ALKBH2: variants seen among roughly 807,000 people sequenced by gnomAD.
ALKBH2 encodes DNA oxidative demethylase ALKBH2.
In ALKBH2, 19 loss-of-function variants were observed where a neutral mutation model predicts 19.7. The ratio of observed to expected loss-of-function variants is 0.97; its 90% confidence interval spans 0.67 to 1.42. The LOEUF (loss-of-function observed/expected upper bound fraction) is 1.42. Among genes scored for constraint, ALKBH2 ranks in the 40% most tolerant of loss-of-function variants. ALKBH2 has a pLI of 0.00. For missense variants in ALKBH2, 310 were observed against 328.5 expected (o/e 0.94, Z 0.43); for synonymous variants, 135 against 131.2 (o/e 1.03, Z -0.20).
Position 109,088,307 on chromosome 12 carries a change from G to C in ALKBH2, c.685C>G (p.Pro229Ala), listed in dbSNP as rs144639687. 44 of 1,614,138 alleles carry C rather than the reference G, an allele frequency of 2.7e-5. No individual in the cohort carries two copies. The African/African-American group carries it at 5.6e-4, about 21-fold the overall frequency. Residue 229 changes from proline to alanine, a missense_variant, in exon 4 of 4, where the codon CCG (proline) becomes GCG (alanine). Coordinates refer to ENST00000429722, the MANE Select transcript of ALKBH2 (RefSeq NM_001145374.2). The surrounding 1 kb of genome is among the most constrained non-coding windows in gnomAD (Gnocchi z 4.2). ...CTGTGGTACCAGTGCGTGTTGGTCG[G>C]GTGGTTCATCATTAGTAAGCTCCCG... ...AHGSLLMMNH[P>A]TNTHWYHSLP...
chr12:109,093,408 G>C lies in ALKBH2; in HGVS notation c.-313C>G, dbSNP rs1394699339. Reference sequence around the variant, plus strand: ...GGGTGGGGGTGGCAAGAGTGCTCTAGCATCGCAGCTCCGGCGCAGATCGGA... The same window carrying C: ...GGGTGGGGGTGGCAAGAGTGCTCTACCATCGCAGCTCCGGCGCAGATCGGA... On this transcript the variant is annotated 5_prime_UTR_variant, in exon 1 of 4. Transcript: ENST00000429722. 1 of 152,314 alleles carries C rather than the reference G, an allele frequency of 6.6e-6. No individual in the cohort carries two copies. The highest frequency in any genetic ancestry group is 1.9e-4 in the East Asian group (1 of 5,198). 9.4% of individuals were successfully genotyped at this position (152,314 alleles called of 1,614,324 possible).
chr12:109,089,784 T>G, intron 3 of ALKBH2: 1 of 558,650 alleles, frequency 1.8e-6, no homozygotes, highest in Non-Finnish European at 3.2e-6. Flanking sequence ...AAGAAGAAAT[T>G]ATCTCATTCA....
chr12:109,088,638 T>C lies in ALKBH2; in HGVS notation c.480-126A>G. 1 of 883,268 alleles carries C rather than the reference T, an allele frequency of 1.1e-6. No individual in the cohort carries two copies. The highest frequency in any genetic ancestry group is 1.7e-6 in the Non-Finnish European group (1 of 591,926). 54.7% of individuals were successfully genotyped at this position (883,268 alleles called of 1,614,324 possible). On this transcript the variant is annotated intron_variant, in intron 3 of 3. Transcript: ENST00000429722. This position sits in a 1 kb window ranked among gnomAD's most constrained non-coding sequence, Gnocchi z 4.2. ...GCATGGCTGTACCTGCCGTTGTTTC[T>C]GCGAGGGCTTGAGGTCCACAGTGGG...
Position 109,088,938 on chromosome 12 carries a change from G to T in ALKBH2, c.480-426C>A, listed in dbSNP as rs552976007. ...TGTTACCCAGGCTGGTCTCAAACTC[G>T]GGCTCAAGCAATTCACTCTCCTTGG... On this transcript the variant is annotated intron_variant, in intron 3 of 3. Transcript: ENST00000429722. This position sits in a 1 kb window ranked among gnomAD's most constrained non-coding sequence, Gnocchi z 4.2. 6.6e-6 allele frequency among the ~76,000 whole-genome samples: 1 copy of T among 152,186 alleles called. No individual in the cohort carries two copies. The highest frequency in any genetic ancestry group is 1.9e-4 in the East Asian group (1 of 5,166).
intron 2 of ALKBH2, among the ~76,000 whole-genome samples, chr12:109,091,683 A>G (rs930249489): frequency 1.3e-5 from 2 of 149,918 alleles, no homozygotes; most frequent in Admixed American, 1.3e-4. Flanking sequence ...GACTACAGGC[A>G]TGCACCACTA....
chr12:109,090,266 GC>G (rs1001111881), intron 2 of ALKBH2, 59 bp from the exon 3 acceptor site: 197 of 1,514,612 alleles, frequency 1.3e-4, no homozygotes, highest in African/African-American at 9.5e-4. Flanking sequence ...AAATCCAGAT[GC>G]CCCCCCCAAC....
chr12:109,088,765 A>C lies in ALKBH2; in HGVS notation c.480-253T>G, dbSNP rs1259123490. The stretch of plus-strand genomic sequence containing the variant: ...GGTCTCGCTCTGTCACCCAGGCTGA[A>C]GTGCAGTGGCACAATCATAGCTCAC... On this transcript the variant is annotated intron_variant, in intron 3 of 3. Coordinates refer to ENST00000429722, the MANE Select transcript of ALKBH2 (RefSeq NM_001145374.2). This position sits in a 1 kb window ranked among gnomAD's most constrained non-coding sequence, Gnocchi z 4.2. 6.6e-6 allele frequency among the ~76,000 whole-genome samples: 1 copy of C among 152,200 alleles called. No individual in the cohort carries two copies. Among genetic ancestry groups the C allele is most frequent in the Non-Finnish European group, 1.5e-5 (1 of 68,044 alleles).
chr12:109,089,178 T>C (rs190180392), intron 3 of ALKBH2, among the ~76,000 whole-genome samples: 284 of 152,334 alleles, frequency 1.9e-3, no homozygotes, highest in Admixed American at 3.5e-3. Flanking sequence ...CATCCCCTTC[T>C]TTCCCTCATT....
At chr12:109,091,594 G>C (rs1259730320) in intron 2 of ALKBH2, among the ~76,000 whole-genome samples, 1 of 152,140 alleles carries the variant, frequency 6.6e-6, no homozygotes, top group African/African-American at 2.4e-5. Flanking sequence ...CTGGAGTGCA[G>C]TGGTGCGATC....
intron 2 of ALKBH2, among the ~76,000 whole-genome samples, chr12:109,090,985 G>A (rs965032445): frequency 1.3e-5 from 2 of 152,202 alleles, no homozygotes; most frequent in African/African-American, 2.4e-5. Context: ...ATTGGAACAC[G>A]ATAAAGTTAG....
rs2042015014 is a variant in ALKBH2 at position 109,088,997 on chromosome 12, A to G, written c.480-485T>C. On this transcript the variant is annotated intron_variant, in intron 3 of 3. Coordinates refer to ENST00000429722, the MANE Select transcript of ALKBH2 (RefSeq NM_001145374.2). This position sits in a 1 kb window ranked among gnomAD's most constrained non-coding sequence, Gnocchi z 4.2. ...AGTGTTGGGATTACAGGCATGAGTC[A>G]CCACGTCCGGCCAGTTCATGTGCTT... Among the ~76,000 whole-genome samples, 1 of 152,186 alleles carries G rather than the reference A, an allele frequency of 6.6e-6. No homozygotes were observed. The highest frequency in any genetic ancestry group is 1.5e-5 in the Non-Finnish European group (1 of 68,036).
chr12:109,092,473 G>GCACGCA, intron 2 of ALKBH2, 34 bp downstream of exon 2: 2 of 1,362,952 alleles, frequency 1.5e-6, no homozygotes, highest in South Asian at 1.5e-5. Flanking sequence ...AGCCCTCAAT[G>GCACGCA]CACACACACA....
At position 109,093,386 on chromosome 12, in the gene ALKBH2, T is replaced by G. The variant is rs1593315255; in HGVS notation, c.-291A>C. The G allele has an allele frequency of 6.6e-6, 1 of 152,062 alleles. No homozygotes were observed. The highest frequency in any genetic ancestry group is 2.1e-4 in the South Asian group (1 of 4,810). 9.4% of individuals were successfully genotyped at this position (152,062 alleles called of 1,614,324 possible). A position where few individuals can be genotyped will look rare whatever the true frequency, so the allele number is the denominator to read the frequency against. ...ATATCACTGCAACACGTCCGTGGGG[T>G]GGGGGTGGCAAGAGTGCTCTAGCAT... On this transcript the variant is annotated 5_prime_UTR_variant, in exon 1 of 4. Coordinates refer to ENST00000429722, the MANE Select transcript of ALKBH2 (RefSeq NM_001145374.2).
At chr12:109,092,299 G>T in intron 2 of ALKBH2, 1 of 659,934 alleles carries the variant, frequency 1.5e-6, no homozygotes, top group Non-Finnish European at 2.2e-6. Context: ...GCTCCTAGTA[G>T]ACAGGCAATC....
Position 109,090,224 on chromosome 12 carries a change from T to C in ALKBH2, c.281-17A>G, listed in dbSNP as rs370587651. 3.2e-5 allele frequency: 51 copies of C among 1,610,158 alleles called. No individual in the cohort carries two copies. The highest frequency in any genetic ancestry group is 1.7e-4 in the Middle Eastern group (1 of 5,884). On this transcript the variant is annotated splice_polypyrimidine_tract_variant and intron_variant, in intron 2 of 3. Coordinates refer to ENST00000429722, the MANE Select transcript of ALKBH2 (RefSeq NM_001145374.2). ...CCAGTGCTCCTGTGCAGAGGAAACA[T>C]GGCAGTTCCTTTCTACCTGACCCCC...
chr12:109,088,350 G>A lies in ALKBH2; in HGVS notation c.642C>T (p.Val214=), dbSNP rs759185457. ...AGCTCCCGTGGGCCAGCGGCAGCCT[G>A]ACCACCGCCACCCTCCTGGAGGGGC... ...GKSPSRRVAV[V]RLPLAHGSLL... is the part of the protein sequence containing the mutation. Residue 214 remains valine, a synonymous_variant, in exon 4 of 4, where the codon GTC becomes GTT. Coordinates refer to ENST00000429722, the MANE Select transcript of ALKBH2 (RefSeq NM_001145374.2). The surrounding 1 kb of genome is among the most constrained non-coding windows in gnomAD (Gnocchi z 4.2). 8.1e-6 allele frequency: 13 copies of A among 1,614,080 alleles called. No individual in the cohort carries two copies. The South Asian group carries it at 1.3e-4, about 16-fold the overall frequency.
At chr12:109,090,539 C>G (rs59130579) in intron 2 of ALKBH2, among the ~76,000 whole-genome samples, 1 of 151,704 alleles carries the variant, frequency 6.6e-6, no homozygotes, top group East Asian at 1.9e-4. Flanking sequence ...GCAATCCTCC[C>G]GCATCAGCCT....
chr12:109,092,374 T>C (rs982946206), intron 2 of ALKBH2, 133 bp downstream of exon 2: 108 of 1,323,410 alleles, frequency 8.2e-5, no homozygotes, highest in Admixed American at 6.2e-4. Flanking sequence ...TCAGAGAATA[T>C]TGGATGAATC....
intron 1 of ALKBH2, 61 bp from the exon 2 acceptor site, chr12:109,092,998 G>T: frequency 7.8e-7 from 1 of 1,274,774 alleles, no homozygotes; most frequent in Non-Finnish European, 1.0e-6. Flanking sequence ...CTGATCCAGG[G>T]TCTCCCACGT....
Sources: allele counts gnomAD v4.1 joint callset (sites outside exome capture counted in the v4.1 genomes callset), GRCh38; gene constraint gnomAD v4.1.1; non-coding constraint Gnocchi (gnomAD v3.1); transcripts MANE v1.5; gene names NCBI Gene and HGNC (gene_info 2026-07-23, HGNC 2026-07-21).